KCNH7: variants seen among roughly 807,000 people sequenced by gnomAD.
KCNH7 encodes the protein potassium voltage-gated channel subfamily H member 7.
In KCNH7, 49 loss-of-function variants were observed where a neutral mutation model predicts 120.8. That is an observed-to-expected ratio of 0.41 (90% CI 0.32 to 0.51). The LOEUF is 0.51. KCNH7 is among the 20% of genes least tolerant of loss of function. The probability of loss-of-function intolerance (pLI) is 0.38; values close to 1 mark genes in which losing one functional copy is unlikely to be tolerated. For synonymous variants in KCNH7, 547 were observed against 516.1 expected, an observed-to-expected ratio of 1.06 and a Z score of -0.81; for missense variants, 1,097 against 1,446.6, an observed-to-expected ratio of 0.76 and a Z score of 3.92.
At chr2:162,477,014 A>T (rs1689767798) in intron 6 of KCNH7, among the ~76,000 whole-genome samples, 2 of 152,232 alleles carry the variant, frequency 1.3e-5, no homozygotes. Context: ...GAACTAGGGC[A>T]TCTAAGGGCT....
intron 2 of KCNH7, among the ~76,000 whole-genome samples, chr2:162,704,750 C>T (rs1283020442): frequency 6.6e-6 from 1 of 152,196 alleles, no homozygotes; most frequent in Admixed American, 6.6e-5. Flanking sequence ...CCATGACCTC[C>T]ACTTGGCATA....
intron 6 of KCNH7, among the ~76,000 whole-genome samples, chr2:162,470,266 G>A (rs1241150010): frequency 1.2e-4 from 18 of 151,438 alleles, no homozygotes; most frequent in East Asian, 2.0e-4. Context: ...AGTGAGGAGC[G>A]TCTCTGCCCG....
At chr2:162,631,895 T>G (rs1457904403) in intron 2 of KCNH7, among the ~76,000 whole-genome samples, 6 of 151,992 alleles carry the variant, frequency 3.9e-5, no homozygotes, top group Non-Finnish European at 8.8e-5. Flanking sequence ...CTCCAAAAAT[T>G]TAATGAAGAT....
intron 9 of KCNH7, among the ~76,000 whole-genome samples, chr2:162,404,172 A>G (rs528724524): frequency 2.0e-5 from 3 of 151,812 alleles, no homozygotes; most frequent in Non-Finnish European, 4.4e-5. Flanking sequence ...TGATTTGGTG[A>G]TTGTTATATC....
chr2:162,760,269 A>G (rs1050212919), intron 2 of KCNH7, among the ~76,000 whole-genome samples: 2 of 152,128 alleles, frequency 1.3e-5, no homozygotes, highest in Admixed American at 6.6e-5. Context: ...AACAAAAAAC[A>G]ATACTTTGCT....
At chr2:162,393,338 G>T (rs567672557) in intron 12 of KCNH7, among the ~76,000 whole-genome samples, 22 of 151,968 alleles carry the variant, frequency 1.4e-4, no homozygotes, top group African/African-American at 5.1e-4. Flanking sequence ...CAGGTGGTCT[G>T]GGATTAACAT....
intron 2 of KCNH7, among the ~76,000 whole-genome samples, chr2:162,725,103 AAAG>A (rs1318983607): frequency 1.3e-5 from 2 of 152,226 alleles, no homozygotes; most frequent in East Asian, 1.9e-4. Flanking sequence ...GTTTAGAATC[AAAG>A]AAGATTATTT....
intron 2 of KCNH7, among the ~76,000 whole-genome samples, chr2:162,811,555 C>T (rs530700483): frequency 5.2e-4 from 79 of 151,986 alleles, no homozygotes; most frequent in African/African-American, 1.8e-3. Context: ...ATCTAGGCCT[C>T]GGAAACTAAG....
At chr2:162,744,528 G>A (rs1308381987) in intron 2 of KCNH7, among the ~76,000 whole-genome samples, 1 of 144,700 alleles carries the variant, frequency 6.9e-6, no homozygotes, top group African/African-American at 2.6e-5. Flanking sequence ...TGTCCTGACC[G>A]TTTAGTTCTA....
At chr2:162,409,252 G>T (rs1687317577) in intron 9 of KCNH7, among the ~76,000 whole-genome samples, 1 of 151,734 alleles carries the variant, frequency 6.6e-6, no homozygotes, top group African/African-American at 2.4e-5. Flanking sequence ...AAAAGCAGAG[G>T]CATGGGCTGA....
chr2:162,774,884 TA>T (rs1204601061), intron 2 of KCNH7, among the ~76,000 whole-genome samples: 1 of 152,184 alleles, frequency 6.6e-6, no homozygotes, highest in East Asian at 1.9e-4. Context: ...ATAATGATAT[TA>T]ATTTTCTATA....
intron 2 of KCNH7, among the ~76,000 whole-genome samples, chr2:162,609,480 G>T (rs1682888302): frequency 6.6e-6 from 1 of 151,816 alleles, no homozygotes; most frequent in Non-Finnish European, 1.5e-5. Flanking sequence ...CCCTTGCGTT[G>T]TTGTCCTTAT....
chr2:162,647,292 T>A (rs1684397387), intron 2 of KCNH7, among the ~76,000 whole-genome samples: 1 of 152,140 alleles, frequency 6.6e-6, no homozygotes, highest in South Asian at 2.1e-4. Context: ...GGTGTGTATG[T>A]GTTCCAGTGT....
chr2:162,442,013 T>C (rs1291673328), intron 7 of KCNH7, among the ~76,000 whole-genome samples: 6 of 97,126 alleles, frequency 6.2e-5, no homozygotes, highest in African/African-American at 3.1e-4. Flanking sequence ...TTTTTTTTTT[T>C]TTTTTTTTTT....
chr2:162,438,068 A>G (rs1257572857), intron 7 of KCNH7, among the ~76,000 whole-genome samples: 2 of 152,088 alleles, frequency 1.3e-5, no homozygotes, highest in Admixed American at 1.3e-4. Context: ...TATGGTTAAA[A>G]TTTTCTTGTT....
intron 2 of KCNH7, among the ~76,000 whole-genome samples, chr2:162,632,741 T>C (rs1402130520): frequency 1.3e-5 from 2 of 151,852 alleles, no homozygotes; most frequent in Admixed American, 6.6e-5. Flanking sequence ...GAAGAAGGGA[T>C]AGACTATTAA....
chr2:162,575,403 C>G (rs896279463), intron 2 of KCNH7, among the ~76,000 whole-genome samples: 2 of 152,044 alleles, frequency 1.3e-5, no homozygotes, highest in African/African-American at 2.4e-5. Context: ...CTGCCTCTTT[C>G]TAAAGTCTGG....
At chr2:162,652,777 C>G (rs556260277) in intron 2 of KCNH7, among the ~76,000 whole-genome samples, 1 of 152,280 alleles carries the variant, frequency 6.6e-6, no homozygotes, top group East Asian at 1.9e-4. Flanking sequence ...TTTATAAACA[C>G]AAGTTCCAAT....
chr2:162,583,922 T>G (rs538880709), intron 2 of KCNH7, among the ~76,000 whole-genome samples: 8 of 152,126 alleles, frequency 5.3e-5, no homozygotes, highest in Non-Finnish European at 7.4e-5. Context: ...GGGCAAGATC[T>G]ATTTCAGATT....
Sources: gnomAD v4.1 joint callset for allele counts (sites outside exome capture counted in the v4.1 genomes callset) on GRCh38, gnomAD v4.1.1 for gene constraint, MANE v1.5 for transcripts, NCBI Gene and HGNC (gene_info 2026-07-23, HGNC 2026-07-21) for gene names.